AFF3: variants seen among roughly 807,000 people sequenced by gnomAD.
AFF3 encodes the protein ALF transcription elongation factor 3.
In AFF3, 32 loss-of-function variants were observed where a neutral mutation model predicts 129.7. The observed-to-expected ratio is 0.25, with a 90% confidence interval of 0.19 to 0.33. The LOEUF is 0.33. Ranked by LOEUF, AFF3 falls within the 10% of genes least tolerant of loss-of-function variation. The probability of loss-of-function intolerance (pLI) is 1.00; values close to 1 mark genes in which losing one functional copy is unlikely to be tolerated. For missense variants in AFF3, 1,373 were observed against 1,592.0 expected, an observed-to-expected ratio of 0.86 and a Z score of 2.34; for synonymous variants, 644 against 635.4, an observed-to-expected ratio of 1.01 and a Z score of -0.20.
chr2:99,674,327 G>T (rs1687427077), intron 11 of AFF3, among the ~76,000 whole-genome samples: 2 of 152,220 alleles, frequency 1.3e-5, no homozygotes. Context: ...AGCACTGTTT[G>T]GGAGTAGCCT....
At chr2:99,628,822 G>A (rs1682853690) in intron 13 of AFF3, among the ~76,000 whole-genome samples, 1 of 150,656 alleles carries the variant, frequency 6.6e-6, no homozygotes, top group Non-Finnish European at 1.5e-5. Flanking sequence ...CCGTGTTCAA[G>A]CGATTCTCCT....
chr2:99,991,457 C>G (rs983194345), intron 7 of AFF3, among the ~76,000 whole-genome samples: 2 of 152,160 alleles, frequency 1.3e-5, no homozygotes, highest in Non-Finnish European at 2.9e-5. Flanking sequence ...GTTCAACATT[C>G]ACAAGACTTG....
At chr2:99,768,027 C>T (rs1409063187) in intron 8 of AFF3, among the ~76,000 whole-genome samples, 1 of 152,180 alleles carries the variant, frequency 6.6e-6, no homozygotes, top group African/African-American at 2.4e-5. Context: ...AACTTCTGCT[C>T]TCTATTCTTA....
chr2:99,982,631 C>T (rs1460604228), intron 7 of AFF3, among the ~76,000 whole-genome samples: 1 of 152,184 alleles, frequency 6.6e-6, no homozygotes, highest in Non-Finnish European at 1.5e-5. Context: ...CTGGCATGCT[C>T]ACTACTGGAA....
chr2:99,639,658 G>C (rs1436971496), intron 13 of AFF3, among the ~76,000 whole-genome samples: 1 of 151,376 alleles, frequency 6.6e-6, no homozygotes, highest in Admixed American at 6.6e-5. Flanking sequence ...ATGACCCAGG[G>C]TGACTTTTTT....
chr2:100,106,649 G>A (rs1218606961), intron 2 of AFF3: 7 of 986,260 alleles, frequency 7.1e-6, no homozygotes, highest in South Asian at 4.7e-5. Flanking sequence ...TCCTGTTCCC[G>A]TGCTCCTGGC....
chr2:99,991,298 A>G (rs539719479), intron 7 of AFF3, among the ~76,000 whole-genome samples: 1 of 152,340 alleles, frequency 6.6e-6, no homozygotes, highest in Non-Finnish European at 1.5e-5. Flanking sequence ...GATTCTGACA[A>G]CTGTTGATCT....
intron 4 of AFF3, among the ~76,000 whole-genome samples, chr2:100,036,518 C>T (rs1684923236): frequency 6.6e-6 from 1 of 151,268 alleles, no homozygotes; most frequent in African/African-American, 2.4e-5. Flanking sequence ...TAAATGAAGC[C>T]ATTAAAAAAC....
At chr2:99,642,859 A>G (rs1684334968) in intron 13 of AFF3, among the ~76,000 whole-genome samples, 1 of 152,068 alleles carries the variant, frequency 6.6e-6, no homozygotes, top group African/African-American at 2.4e-5. Flanking sequence ...GGCCCCATCT[A>G]TCTTTCAGGG....
chr2:99,764,767 C>G (rs1056385480), intron 8 of AFF3, among the ~76,000 whole-genome samples: 1 of 152,114 alleles, frequency 6.6e-6, no homozygotes, highest in Non-Finnish European at 1.5e-5. Context: ...CTGAGTGACT[C>G]TTGTTAAACC....
intron 12 of AFF3, among the ~76,000 whole-genome samples, chr2:99,669,318 C>T (rs1338085083): frequency 2.6e-5 from 4 of 152,134 alleles, no homozygotes; most frequent in South Asian, 2.1e-4. Flanking sequence ...TATCCACATG[C>T]CCATTAGCAG....
At chr2:99,667,092 T>G (rs1221054344) in intron 12 of AFF3, among the ~76,000 whole-genome samples, 1 of 152,214 alleles carries the variant, frequency 6.6e-6, no homozygotes, top group Non-Finnish European at 1.5e-5. Flanking sequence ...TACACATTCT[T>G]TTAAGTGCCT....
At chr2:99,666,406 CAA>C (rs1686680480) in intron 12 of AFF3, among the ~76,000 whole-genome samples, 1 of 151,856 alleles carries the variant, frequency 6.6e-6, no homozygotes, top group South Asian at 2.1e-4. Context: ...AAAAGCTGTA[CAA>C]AGAGATACAC....
intron 12 of AFF3, among the ~76,000 whole-genome samples, chr2:99,651,533 C>A (rs1172694214): frequency 6.6e-6 from 1 of 151,984 alleles, no homozygotes; most frequent in Non-Finnish European, 1.5e-5. Flanking sequence ...CCTCTGCCTC[C>A]CAGGTTCAAG....
intron 4 of AFF3, among the ~76,000 whole-genome samples, chr2:100,054,971 T>C (rs568755393): frequency 6.6e-6 from 1 of 152,336 alleles, no homozygotes; most frequent in African/African-American, 2.4e-5. Flanking sequence ...CCTGAGCAGA[T>C]ACAGTAGAAA....
chr2:100,006,363 C>T (rs1353784192), intron 7 of AFF3: 3 of 333,334 alleles, frequency 9.0e-6, no homozygotes. Context: ...AATTCTCAAA[C>T]TATAGTGAAG....
At chr2:99,553,918 C>CAAAA (rs61326965) in intron 24 of AFF3, among the ~76,000 whole-genome samples, 33 of 56,844 alleles carry the variant, frequency 5.8e-4, no homozygotes, top group African/African-American at 1.4e-3. Flanking sequence ...TGTCTCAAAC[C>CAAAA]AAAAAAAAAA....
intron 8 of AFF3, among the ~76,000 whole-genome samples, chr2:99,762,707 G>A (rs1373327040): frequency 6.6e-6 from 1 of 152,202 alleles, no homozygotes; most frequent in African/African-American, 2.4e-5. Context: ...TGCCAGGATT[G>A]AAGGATCTGC....
chr2:99,552,531 T>G (rs1034044123), intron 24 of AFF3, among the ~76,000 whole-genome samples: 7 of 152,244 alleles, frequency 4.6e-5, no homozygotes, highest in Admixed American at 2.6e-4. Flanking sequence ...CACATTCATA[T>G]GGCTACTCTA....
Sources: gnomAD v4.1 joint callset for allele counts (sites outside exome capture counted in the v4.1 genomes callset) on GRCh38, gnomAD v4.1.1 for gene constraint, MANE v1.5 for transcripts, NCBI Gene and HGNC (gene_info 2026-07-23, HGNC 2026-07-21) for gene names.